The following MNAT1 variants were observed in gnomAD, a reference collection of about 807,000 sequenced individuals.
MNAT1 encodes CDK-activating kinase assembly factor MAT1.
In MNAT1, 43 loss-of-function variants were observed where a neutral mutation model predicts 42.0. The ratio of observed to expected loss-of-function variants is 1.02; its 90% CI spans 0.80 to 1.32. MNAT1 has a LOEUF of 1.32. Among genes scored for constraint, MNAT1 ranks in the 40% most tolerant of loss-of-function variants. The pLI, the probability that MNAT1 is intolerant of heterozygous loss-of-function variation, is 0.00. For synonymous variants in MNAT1, 118 were observed against 120.0 expected (o/e 0.98, Z 0.11); for missense variants, 306 against 350.4 (o/e 0.87, Z 1.01).
intron 6 of MNAT1, among the ~76,000 whole-genome samples, chr14:60,870,170 AC>A (rs1442380592): frequency 6.6e-6 from 1 of 152,050 alleles, no homozygotes; most frequent in African/African-American, 2.4e-5. Context: ...ATTTTAGAAA[AC>A]CTTTTTTCTC....
At position 60,811,927 on chromosome 14, in the gene MNAT1, G is replaced by T; in HGVS notation, c.421-60G>T. On this transcript the variant is annotated intron_variant, in intron 4 of 7. Coordinates refer to ENST00000261245, the MANE Select transcript of MNAT1 (RefSeq NM_002431.4). ...CCAATAAAGAAAGTATTAGAGTGTG[G>T]TATATGATTGCTCTTGGCTCCTAAA... 5 of 1,324,862 alleles carry T rather than the reference G, an allele frequency of 3.8e-6. No individual in the cohort carries two copies. The South Asian group carries it at 8.3e-5, about 22-fold the overall frequency. 82.1% of individuals were successfully genotyped at this position (1,324,862 alleles called of 1,614,324 possible).
intron 5 of MNAT1, among the ~76,000 whole-genome samples, chr14:60,812,505 T>C (rs1447102503): frequency 5.3e-5 from 8 of 152,168 alleles, no homozygotes; most frequent in African/African-American, 1.9e-4. Context: ...TTGAAGACAG[T>C]TTAAAACCTG....
intron 7 of MNAT1, among the ~76,000 whole-genome samples, chr14:60,949,306 A>C (rs528521253): frequency 6.6e-6 from 1 of 152,186 alleles, no homozygotes; most frequent in East Asian, 1.9e-4. Context: ...TTTTGAACCT[A>C]AGGATGACAG....
intron 6 of MNAT1, among the ~76,000 whole-genome samples, chr14:60,853,874 C>G (rs972436020): frequency 6.6e-6 from 1 of 152,250 alleles, no homozygotes; most frequent in East Asian, 1.9e-4. Context: ...GTTGAACCAG[C>G]CTTGCATCCC....
Position 60,968,314 on chromosome 14 carries a change from G to A in MNAT1, c.895G>A (p.Asp299Asn). The change falls in exon 8 of 8, where the codon GAT becomes AAT. Residue 299 changes from aspartate to asparagine, a missense_variant. Physicochemically the swap from Asp to Asn is conservative, Grantham distance 23. This residue lies in a region of MNAT1 where 116 missense variants were observed against 139.6 expected (regional missense o/e 0.83). Transcript: ENST00000261245. Reference protein sequence around the residue: ...SSLACHRALQDAFSGLFWQPS With the variant: ...SSLACHRALQNAFSGLFWQPS ...TCTTGCTTGTCACAGAGCACTACAG[G>A]ATGCATTCAGTGGGCTTTTCTGGCA... is the stretch of plus-strand genomic sequence containing the variant. The A allele has an allele frequency of 6.2e-7, 1 of 1,613,700 alleles. No individual in the cohort carries two copies.
chr14:60,832,464 G>A (rs1487639891), intron 6 of MNAT1, among the ~76,000 whole-genome samples: 2 of 152,042 alleles, frequency 1.3e-5, no homozygotes, highest in African/African-American at 4.8e-5. Context: ...TTTTTGTCAG[G>A]TTTGTCAAAG....
intron 1 of MNAT1, among the ~76,000 whole-genome samples, chr14:60,758,208 T>A (rs903106841): frequency 2.0e-5 from 3 of 152,016 alleles, no homozygotes; most frequent in Admixed American, 6.6e-5. Flanking sequence ...CTTGGACTTT[T>A]TTTTTTTTTT....
At chr14:60,811,053 T>C (rs1268579040) in intron 4 of MNAT1, among the ~76,000 whole-genome samples, 1 of 152,188 alleles carries the variant, frequency 6.6e-6, no homozygotes, top group Non-Finnish European at 1.5e-5. Flanking sequence ...TATATCTTTC[T>C]ATATGTTGAT....
chr14:60,762,025 A>G (rs2030621802), intron 1 of MNAT1, among the ~76,000 whole-genome samples: 2 of 152,226 alleles, frequency 1.3e-5, no homozygotes, highest in Non-Finnish European at 2.9e-5. Context: ...TTGCAACATT[A>G]AAAAATCAGA....
chr14:60,752,600 G>A (rs113828336), intron 1 of MNAT1, among the ~76,000 whole-genome samples: 2 of 152,218 alleles, frequency 1.3e-5, no homozygotes, highest in African/African-American at 4.8e-5. Flanking sequence ...AGGGGGTCAA[G>A]GCTGCAGTGA....
chr14:60,781,420 G>C (rs1312730314), intron 1 of MNAT1, among the ~76,000 whole-genome samples: 2 of 152,034 alleles, frequency 1.3e-5, no homozygotes, highest in East Asian at 1.9e-4. Flanking sequence ...TTTCTAGTTT[G>C]TGGCAAGTCT....
At chr14:60,925,404 G>C (rs2035746649) in intron 7 of MNAT1, among the ~76,000 whole-genome samples, 1 of 152,166 alleles carries the variant, frequency 6.6e-6, no homozygotes, top group South Asian at 2.1e-4. Flanking sequence ...AGGGATGACT[G>C]TATATGGAAA....
chr14:60,966,330 G>A (rs939680507), intron 7 of MNAT1, among the ~76,000 whole-genome samples: 1 of 152,012 alleles, frequency 6.6e-6, no homozygotes, highest in African/African-American at 2.4e-5. Context: ...ATGTTGGCCA[G>A]GCTGGTCTGA....
intron 6 of MNAT1, among the ~76,000 whole-genome samples, chr14:60,871,692 G>A (rs767285765): frequency 2.2e-4 from 34 of 151,404 alleles, no homozygotes; most frequent in Admixed American, 5.9e-4. Flanking sequence ...GTGCGATCTC[G>A]GCTCATTGTA....
chr14:60,854,650 G>T (rs1025285467), intron 6 of MNAT1, among the ~76,000 whole-genome samples: 1 of 152,284 alleles, frequency 6.6e-6, no homozygotes, highest in Middle Eastern at 3.4e-3. Context: ...AGCAAAGATT[G>T]CTGCCTGCTC....
chr14:60,957,512 TCTG>T (rs1306469756), intron 7 of MNAT1, among the ~76,000 whole-genome samples: 1 of 152,140 alleles, frequency 6.6e-6, no homozygotes, highest in Non-Finnish European at 1.5e-5. Context: ...ATGGGAAAGA[TCTG>T]CTCCCGTGAT....
chr14:60,807,578 A>G (rs1038595401), intron 3 of MNAT1, among the ~76,000 whole-genome samples: 1 of 152,148 alleles, frequency 6.6e-6, no homozygotes, highest in Admixed American at 6.5e-5. Flanking sequence ...TCTTTTTTTA[A>G]TTGTTCAGAG....
intron 6 of MNAT1, among the ~76,000 whole-genome samples, chr14:60,862,202 G>A (rs1435998788): frequency 1.3e-5 from 2 of 152,284 alleles, no homozygotes; most frequent in South Asian, 2.1e-4. Flanking sequence ...CCTCAGATCT[G>A]AAGATTAAAA....
chr14:60,898,793 AC>A (rs1377071889), intron 7 of MNAT1, among the ~76,000 whole-genome samples: 3 of 151,926 alleles, frequency 2.0e-5, no homozygotes, highest in Non-Finnish European at 4.4e-5. Flanking sequence ...TGTTTTACTT[AC>A]CTATGCTTTT....
Sources: allele counts gnomAD v4.1 joint callset (sites outside exome capture counted in the v4.1 genomes callset), GRCh38; gene constraint gnomAD v4.1.1; regional missense constraint gnomAD v4.1.1; transcripts MANE v1.5; gene names NCBI Gene and HGNC (gene_info 2026-07-23, HGNC 2026-07-21).